KLF8: variants seen among roughly 807,000 people sequenced by gnomAD.
KLF8 encodes the protein Krueppel-like factor 8.
Under a neutral mutation model 18.2 loss-of-function variants are expected in KLF8, and 10 were observed. That is an observed-to-expected ratio of 0.55 (90% CI 0.34 to 0.93). KLF8 has a LOEUF of 0.93. Among genes scored for constraint, KLF8 ranks in the 40% least tolerant of loss-of-function variants. The pLI is 0.02. For synonymous variants in KLF8, 109 were observed against 97.3 expected (o/e 1.12, Z -0.71); for missense variants, 264 against 277.9 (o/e 0.95, Z 0.36).
chrX:55,930,461 C>T, the KLF8 span, among the ~76,000 whole-genome samples: 3 of 111,819 alleles, frequency 2.7e-5, no homozygotes, highest in South Asian at 3.7e-4. Flanking sequence ...TGTCTTGTGC[C>T]GGTTTTCAAA....
At chrX:55,961,636 C>G in the KLF8 span, 8 of 419,189 alleles carry the variant, frequency 1.9e-5, no homozygotes, top group African/African-American at 1.8e-4. Flanking sequence ...AGCCTGTTTT[C>G]TGCAAAGATT....
the KLF8 span, among the ~76,000 whole-genome samples, chrX:56,222,959 G>A: frequency 8.9e-6 from 1 of 112,950 alleles, no homozygotes; most frequent in East Asian, 2.8e-4. Flanking sequence ...GCAGGCTGAG[G>A]GAGCTGGCTC....
the KLF8 span, among the ~76,000 whole-genome samples, chrX:56,009,183 G>A: frequency 1.8e-5 from 2 of 111,095 alleles, no homozygotes; most frequent in African/African-American, 6.6e-5. Context: ...TTATACAGGA[G>A]TGTTCCTGCT....
chrX:56,051,244 A>T, the KLF8 span, among the ~76,000 whole-genome samples: 35 of 111,223 alleles, frequency 3.1e-4, no homozygotes, highest in Non-Finnish European at 5.5e-4. Context: ...TGTGTCTTTT[A>T]ATTGGAGCAT....
At chrX:56,168,579 A>G in the KLF8 span, among the ~76,000 whole-genome samples, 2 of 111,369 alleles carry the variant, frequency 1.8e-5, no homozygotes, top group African/African-American at 3.3e-5. Context: ...TACATGTGCC[A>G]TGTTGGTGTG....
the KLF8 span, among the ~76,000 whole-genome samples, chrX:55,944,608 T>C: frequency 8.9e-6 from 1 of 111,898 alleles, no homozygotes; most frequent in East Asian, 2.8e-4. Flanking sequence ...GATTTTCTAG[T>C]TTATTTGCGT....
At chrX:55,941,315 A>G in the KLF8 span, among the ~76,000 whole-genome samples, 2 of 112,548 alleles carry the variant, frequency 1.8e-5, no homozygotes, top group African/African-American at 6.4e-5. Context: ...CTGGCTAGCC[A>G]TGTGAAGAAA....
the KLF8 span, among the ~76,000 whole-genome samples, chrX:55,926,818 T>C: frequency 9.0e-6 from 1 of 110,739 alleles, no homozygotes; most frequent in East Asian, 2.9e-4. Flanking sequence ...ACTAGATATT[T>C]AATTAATCAA....
chrX:56,075,796 C>T, the KLF8 span, among the ~76,000 whole-genome samples: 1 of 111,862 alleles, frequency 8.9e-6, no homozygotes, highest in Non-Finnish European at 1.9e-5. Flanking sequence ...GGCTTATTTA[C>T]TTAACATAAT....
the KLF8 span, among the ~76,000 whole-genome samples, chrX:56,083,573 A>T: frequency 2.7e-5 from 3 of 111,975 alleles, no homozygotes; most frequent in Non-Finnish European, 5.6e-5. Flanking sequence ...TTAATAATTT[A>T]TTTTTGTTAG....
At chrX:56,105,516 C>G in the KLF8 span, among the ~76,000 whole-genome samples, 1 of 109,836 alleles carries the variant, frequency 9.1e-6, no homozygotes, top group African/African-American at 3.3e-5. Flanking sequence ...TTATCAAAGA[C>G]TAGAACTGCA....
the KLF8 span, among the ~76,000 whole-genome samples, chrX:56,133,619 C>T: frequency 3.5e-4 from 39 of 111,374 alleles, 1 homozygote; most frequent in Admixed American, 3.4e-3. Flanking sequence ...CAAGGATGCC[C>T]ACTCTCACCA....
At chrX:56,050,798 G>A in the KLF8 span, among the ~76,000 whole-genome samples, 1,553 of 110,703 alleles carry the variant, frequency 0.014, 21 homozygotes, top group Non-Finnish European at 0.021. Context: ...TTGGTGCAGA[G>A]CTGAGTTCAA....
the KLF8 span, among the ~76,000 whole-genome samples, chrX:56,205,185 A>C: frequency 9.0e-6 from 1 of 111,260 alleles, no homozygotes; most frequent in African/African-American, 3.3e-5. Context: ...ACTTGCCCTA[A>C]GTATAACAAG....
the KLF8 span, among the ~76,000 whole-genome samples, chrX:56,109,872 A>G: frequency 9.1e-6 from 1 of 110,459 alleles, no homozygotes; most frequent in Non-Finnish European, 1.9e-5. Context: ...GGTTTGCTGC[A>G]CCTGCAACCC....
the KLF8 span, among the ~76,000 whole-genome samples, chrX:56,134,368 T>C: frequency 9.0e-6 from 1 of 111,269 alleles, no homozygotes; most frequent in African/African-American, 3.3e-5. Flanking sequence ...ACCCAAATAC[T>C]TACAGCCAAC....
the KLF8 span, among the ~76,000 whole-genome samples, chrX:56,144,115 G>A: frequency 1.8e-5 from 2 of 111,618 alleles, no homozygotes; most frequent in Non-Finnish European, 3.8e-5. Context: ...TGGGGCAACT[G>A]GATATCCCCA....
the KLF8 span, among the ~76,000 whole-genome samples, chrX:56,186,195 T>C: frequency 5.0e-4 from 55 of 110,563 alleles, no homozygotes; most frequent in Non-Finnish European, 9.1e-4. Flanking sequence ...ACCAAGCAAA[T>C]GGAAAACAGA....
chrX:56,081,416 A>T, the KLF8 span, among the ~76,000 whole-genome samples: 1 of 112,171 alleles, frequency 8.9e-6, no homozygotes, highest in Non-Finnish European at 1.9e-5. Flanking sequence ...ATAAAGGATC[A>T]TGTATTCTAC....
Sources: allele counts gnomAD v4.1 joint callset (sites outside exome capture counted in the v4.1 genomes callset), GRCh38; gene constraint gnomAD v4.1.1; transcripts MANE v1.5; gene names NCBI Gene and HGNC (gene_info 2026-07-23, HGNC 2026-07-21).